The following BCLAF3 variants were observed in gnomAD, a reference collection of about 807,000 sequenced individuals.
The protein encoded by BCLAF3 is BCLAF1 and THRAP3 family member 3, also known as transient octamer binding factor 1.
A neutral mutation model predicts 51.2 loss-of-function variants in BCLAF3; 24 were observed. The observed-to-expected ratio is 0.47, with a 90% CI of 0.34 to 0.66. BCLAF3 has a LOEUF of 0.66. Among genes scored for constraint, BCLAF3 ranks in the 30% least tolerant of loss-of-function variants. The probability of loss-of-function intolerance (pLI) is 0.01; values close to 1 mark genes in which losing one functional copy is unlikely to be tolerated. For missense variants in BCLAF3, 465 were observed against 525.1 expected, an observed-to-expected ratio of 0.89 and a Z score of 1.12; for synonymous variants, 152 against 176.6, an observed-to-expected ratio of 0.86 and a Z score of 1.10.
Position 19,965,287 on chromosome X carries a change from G to A in BCLAF3, c.1031C>T (p.Pro344Leu), listed in dbSNP as rs41309605. 3.5e-3 allele frequency: 4,183 copies of A among 1,207,908 alleles called. 24 individuals carry two copies. The highest frequency in any genetic ancestry group is 0.02 in the South Asian group (1,116 of 56,648). ...QDGQVKEPFK[P>L]SKKDSIACTY... Reference sequence around the variant, plus strand: ...ACAGGCAATGCTGTCTTTCTTAGACGGTTTAAAAGGTTCTTTGACTTGTCC... The same window carrying A: ...ACAGGCAATGCTGTCTTTCTTAGACAGTTTAAAAGGTTCTTTGACTTGTCC... The change falls in exon 4 of 12, where the codon CCG becomes CTG. Residue 344 changes from proline to leucine, a missense_variant. Pro to Leu is a moderately conservative substitution (Grantham distance 98, BLOSUM62 -3). Transcript: ENST00000379682.
At chrX:19,919,167 CCTTT>C (rs765498153) in intron 11 of BCLAF3, among the ~76,000 whole-genome samples, 3 of 111,675 alleles carry the variant, frequency 2.7e-5, no homozygotes, top group Non-Finnish European at 3.8e-5. Flanking sequence ...TGGCTTTAGC[CCTTT>C]CTATGTCTTG....
intron 11 of BCLAF3, among the ~76,000 whole-genome samples, chrX:19,920,142 A>T (rs2070094795): frequency 9.0e-6 from 1 of 111,220 alleles, no homozygotes; most frequent in African/African-American, 3.3e-5. Flanking sequence ...TGGTACTGAG[A>T]CTCTAGCAAA....
intron 11 of BCLAF3, 146 bp downstream of exon 11, chrX:19,929,639 C>A: frequency 1.9e-6 from 1 of 536,140 alleles, no homozygotes. Flanking sequence ...CCCTGAAGAT[C>A]TTATTCAACT....
At position 19,915,449 on chromosome X, in the gene BCLAF3, T is replaced by C. The variant is rs1489124939; in HGVS notation, c.*1856A>G. The C allele has an allele frequency of 5.4e-5, 6 of 112,121 alleles. No homozygotes were observed. Among genetic ancestry groups the C allele is most frequent in the Non-Finnish European group, 9.4e-5 (5 of 53,240 alleles). 9.2% of individuals were successfully genotyped at this position (112,121 alleles called of 1,213,427 possible). ...ACACACAATGTTTTCTGCACAGGTA[T>C]TTTGCAGATAACACGCTTTGCATAT... is the stretch of plus-strand genomic sequence containing the variant. On this transcript the variant is annotated 3_prime_UTR_variant, in exon 12 of 12. Transcript: ENST00000379682.
Position 19,939,203 on chromosome X carries a change from A to T in BCLAF3, c.1746-1671T>A, listed in dbSNP as rs570862404. 6.2e-5 allele frequency among the ~76,000 whole-genome samples: 7 copies of T among 112,401 alleles called. No individual in the cohort carries two copies. The Middle Eastern group carries it at 0.014, about 221-fold the overall frequency. On this transcript the variant is annotated intron_variant, in intron 8 of 11. Coordinates refer to ENST00000379682, the MANE Select transcript of BCLAF3 (RefSeq NM_001367774.2). ...TGCCCAGAAAAAATAAATGACAAGA[A>T]ATGTACTAAATATTAACAGTGGTCA...
intron 1 of BCLAF3, among the ~76,000 whole-genome samples, chrX:19,984,556 C>A (rs976860431): frequency 1.8e-5 from 2 of 111,248 alleles, no homozygotes; most frequent in Non-Finnish European, 3.8e-5. Flanking sequence ...ATATTACAAA[C>A]AATATGTCTG....
chrX:19,984,080 A>G (rs1308215666), intron 1 of BCLAF3, among the ~76,000 whole-genome samples: 1 of 106,604 alleles, frequency 9.4e-6, no homozygotes, highest in African/African-American at 3.4e-5. Context: ...CTCAAAAAAA[A>G]AAAAAAAAAA....
chrX:19,982,503 C>T (rs1207115650), intron 1 of BCLAF3, among the ~76,000 whole-genome samples: 2 of 107,974 alleles, frequency 1.9e-5, no homozygotes, highest in Non-Finnish European at 3.8e-5. Flanking sequence ...ATACAGAATT[C>T]CACAGTTGTC....
intron 8 of BCLAF3, among the ~76,000 whole-genome samples, chrX:19,945,217 G>C (rs2071222505): frequency 9.2e-6 from 1 of 108,972 alleles, no homozygotes; most frequent in African/African-American, 3.4e-5. Context: ...CCTTTGGTTT[G>C]AATGTCCTCC....
Position 19,937,479 on chromosome X carries a change from AATCC to A in BCLAF3, c.1795_1798del (p.Gly599SerfsTer8), listed in dbSNP as rs758794395. ...TTTTATAAAATGTGTGGGTTTTTGG[AATCC>A]ATCAGTATGAACATTCTTTACCTTT... On this transcript the variant is annotated frameshift_variant, in exon 9 of 12. Coordinates refer to ENST00000379682, the MANE Select transcript of BCLAF3 (RefSeq NM_001367774.2). LOFTEE classifies it high-confidence loss of function. The A allele has an allele frequency of 8.4e-7, 1 of 1,183,458 alleles. No individual in the cohort carries two copies. Among genetic ancestry groups the A allele is most frequent in the South Asian group, 1.8e-5 (1 of 54,579 alleles).
At position 19,965,231 on chromosome X, in the gene BCLAF3, G is replaced by T. The variant is rs1278699173; in HGVS notation, c.1087C>A (p.Arg363=). Residue 363 remains arginine, a synonymous_variant, in exon 4 of 12, where the codon CGA becomes AGA. Coordinates refer to ENST00000379682, the MANE Select transcript of BCLAF3 (RefSeq NM_001367774.2). ...TCCTTCCATTTGTCATTACTAGATCGCAAATCAACATCATTTTTATTTGAA... is the reference window on the plus strand; with the variant it reads ...TCCTTCCATTTGTCATTACTAGATCTCAAATCAACATCATTTTTATTTGAA... ...TYSNKNDVDL[R]SSNDKWKEKI... is the part of the protein sequence containing the mutation. 5.0e-6 allele frequency: 6 copies of T among 1,202,643 alleles called. No homozygotes were observed. Among genetic ancestry groups the T allele is most frequent in the Non-Finnish European group, 6.7e-6 (6 of 892,609 alleles).
chrX:19,946,049 G>C (rs1254139624), intron 8 of BCLAF3, among the ~76,000 whole-genome samples: 1 of 108,850 alleles, frequency 9.2e-6, no homozygotes, highest in African/African-American at 3.3e-5. Context: ...AGGTGCGTCC[G>C]TCACCCCTTT....
intron 1 of BCLAF3, among the ~76,000 whole-genome samples, chrX:19,986,302 GA>G (rs779423412): frequency 9.1e-6 from 1 of 110,151 alleles, no homozygotes. Context: ...AATTTCCACA[GA>G]AAAAAAAATT....
At chrX:19,939,400 A>C (rs1329488723) in intron 8 of BCLAF3, among the ~76,000 whole-genome samples, 1 of 112,182 alleles carries the variant, frequency 8.9e-6, no homozygotes, top group Non-Finnish European at 1.9e-5. Flanking sequence ...TCCAGAATAT[A>C]TAAAGAACTC....
At chrX:19,925,410 G>C in intron 11 of BCLAF3, among the ~76,000 whole-genome samples, 1 of 111,188 alleles carries the variant, frequency 9.0e-6, no homozygotes, top group Non-Finnish European at 1.9e-5. Flanking sequence ...TGGACTTTAA[G>C]GCATATGGGA....
chrX:19,974,272 A>G (rs2072347085), intron 1 of BCLAF3, among the ~76,000 whole-genome samples: 1 of 112,594 alleles, frequency 8.9e-6, no homozygotes, highest in Non-Finnish European at 1.9e-5. Flanking sequence ...GAACATGCCC[A>G]TATCCCACAG....
At chrX:19,926,903 C>T (rs983427027) in intron 11 of BCLAF3, among the ~76,000 whole-genome samples, 3 of 111,319 alleles carry the variant, frequency 2.7e-5, no homozygotes, top group East Asian at 2.8e-4. Context: ...ATATACGAGA[C>T]GGGAAAATGA....
At position 19,922,114 on chromosome X, in the gene BCLAF3, C is replaced by A. The variant is rs190998767; in HGVS notation, c.2107-4780G>T. ...ACCATAGGCCGGGAATGGTGGCTCA[C>A]ACCTGTAATCCTAGCCCTTTGGAGG... is the stretch of plus-strand genomic sequence containing the variant. On this transcript the variant is annotated intron_variant, in intron 11 of 11. Coordinates refer to ENST00000379682, the MANE Select transcript of BCLAF3 (RefSeq NM_001367774.2). Among the ~76,000 whole-genome samples the A allele has an allele frequency of 4.5e-4, 50 of 111,704 alleles. 1 individual carries two copies. In the East Asian group the frequency reaches 5.0e-3, roughly 11 times the overall value.
At chrX:19,926,862 C>T (rs2070374005) in intron 11 of BCLAF3, among the ~76,000 whole-genome samples, 1 of 111,689 alleles carries the variant, frequency 9.0e-6, no homozygotes, top group Non-Finnish European at 1.9e-5. Context: ...GCATCTCTAC[C>T]TAAGTCCTGG....
Sources: gnomAD v4.1 joint callset for allele counts (sites outside exome capture counted in the v4.1 genomes callset) on GRCh38, gnomAD v4.1.1 for gene constraint, MANE v1.5 for transcripts, NCBI Gene and HGNC (gene_info 2026-07-23, HGNC 2026-07-21) for gene names.